FHIT: variants seen among roughly 807,000 people sequenced by gnomAD.
The protein encoded by FHIT is bis(5'-adenosyl)-triphosphatase.
In FHIT, 19 loss-of-function variants were observed where a neutral mutation model predicts 17.9. The observed-to-expected ratio is 1.06, with a 90% confidence interval of 0.74 to 1.56. FHIT has a LOEUF of 1.56. FHIT is among the 40% of genes most tolerant of loss of function. The probability of loss-of-function intolerance (pLI) is 0.00; values close to 1 mark genes in which losing one functional copy is unlikely to be tolerated. For missense variants in FHIT, 248 were observed against 189.2 expected, an observed-to-expected ratio of 1.31 and a Z score of -1.82; for synonymous variants, 81 against 69.7, an observed-to-expected ratio of 1.16 and a Z score of -0.81.
At chr3:59,991,181 G>A (rs1709216532) in intron 7 of FHIT, among the ~76,000 whole-genome samples, 1 of 152,072 alleles carries the variant, frequency 6.6e-6, no homozygotes, top group Admixed American at 6.6e-5. Context: ...GGTGCTCAGT[G>A]AATAATGAAT....
rs376462630 is a variant in FHIT at position 60,019,217 on chromosome 3, G to A, written c.104-5065C>T. 6.6e-5 allele frequency among the ~76,000 whole-genome samples: 10 copies of A among 151,900 alleles called. No homozygotes were observed. In the East Asian group the frequency reaches 9.7e-4, roughly 15 times the overall value. On this transcript the variant is annotated intron_variant, in intron 5 of 9. Transcript: ENST00000492590. ...GGCTTACATTGTCCCACATTCTATC[G>A]GTCAAAGAAAATCACAAGCCAACCC... is the stretch of plus-strand genomic sequence containing the variant.
chr3:60,315,629 T>A (rs1709131239), intron 5 of FHIT, among the ~76,000 whole-genome samples: 2 of 152,206 alleles, frequency 1.3e-5, no homozygotes, highest in South Asian at 2.1e-4. Context: ...GGGCAGTAGA[T>A]GGTATGTTTT....
chr3:60,903,136 T>G (rs1553763619), intron 3 of FHIT, among the ~76,000 whole-genome samples: 1 of 152,092 alleles, frequency 6.6e-6, no homozygotes, highest in South Asian at 2.1e-4. Flanking sequence ...AAAAATAAAA[T>G]GTATGATTAT....
rs1559565878 is a variant in FHIT, at chr3:59,749,170, A to ATATGTAGACATTTTT, written c.*400_*414dup. 1 of 229,374 alleles carries ATATGTAGACATTTTT rather than the reference A, an allele frequency of 4.4e-6. No individual in the cohort carries two copies. The highest frequency in any genetic ancestry group is 8.6e-6 in the Non-Finnish European group (1 of 115,718). 14.2% of individuals were successfully genotyped at this position (229,374 alleles called of 1,614,324 possible). On this transcript the variant is annotated 3_prime_UTR_variant, in exon 10 of 10. Transcript: ENST00000492590. ...GAACCACTTAATGTATAAAAATTCAATATGTAGACATTTTTTTTGAAAAGG... is the reference window on the plus strand; with the variant it reads ...GAACCACTTAATGTATAAAAATTCAATATGTAGACATTTTTTATGTAGACATTTTTTTTGAAAAGG...
intron 3 of FHIT, among the ~76,000 whole-genome samples, chr3:60,827,432 G>C (rs1213627214): frequency 9.2e-5 from 14 of 152,144 alleles, no homozygotes; most frequent in African/African-American, 3.4e-4. Flanking sequence ...ATGGGATTTG[G>C]ATTGGTTTCT....
intron 7 of FHIT, among the ~76,000 whole-genome samples, chr3:59,975,263 G>A (rs1029649751): frequency 2.0e-5 from 3 of 152,032 alleles, no homozygotes; most frequent in African/African-American, 7.2e-5. Context: ...AAAAGCTTGG[G>A]CCTCAGAGTG....
In FHIT at chr3:59,749,303, C is replaced by T. The variant is rs1439790309; in HGVS notation, c.*282G>A. On this transcript the variant is annotated 3_prime_UTR_variant, in exon 10 of 10. Transcript: ENST00000492590. ...TTCATGGCAAGTCAATACACCGAGACACAGGGTTGCAGCAGAGAAGGAAGT... is the reference window on the plus strand; with the variant it reads ...TTCATGGCAAGTCAATACACCGAGATACAGGGTTGCAGCAGAGAAGGAAGT... 4.3e-6 allele frequency: 1 copy of T among 230,942 alleles called. No individual in the cohort carries two copies. The highest frequency in any genetic ancestry group is 2.2e-5 in the African/African-American group (1 of 45,044). 14.3% of individuals were successfully genotyped at this position (230,942 alleles called of 1,614,324 possible). A position where few individuals can be genotyped will look rare whatever the true frequency, so the allele number is the denominator to read the frequency against.
At chr3:60,486,830 T>G (rs2033863572) in intron 5 of FHIT, among the ~76,000 whole-genome samples, 1 of 150,734 alleles carries the variant, frequency 6.6e-6, no homozygotes, top group Non-Finnish European at 1.5e-5. Flanking sequence ...CACTAAAATT[T>G]CTCAAAACAA....
intron 3 of FHIT, among the ~76,000 whole-genome samples, chr3:60,852,635 A>T (rs1703197365): frequency 6.6e-6 from 1 of 152,072 alleles, no homozygotes; most frequent in Admixed American, 6.6e-5. Context: ...AAAACTTTGT[A>T]TATTATATTA....
rs115024703 is a variant in FHIT, at chr3:60,289,208, A to G, written c.103+247652T>C. Among the ~76,000 whole-genome samples the G allele has an allele frequency of 2.7e-3, 407 of 152,344 alleles. 3 individuals carry two copies. The highest frequency in any genetic ancestry group is 9.4e-3 in the African/African-American group (391 of 41,586). ...TAATTTTCTTCCTATTAAATTTCCT[A>G]CTGTACACAGGAACATCTGTTCTCC... On this transcript the variant is annotated intron_variant, in intron 5 of 9. Transcript: ENST00000492590.
At chr3:60,497,016 T>C (rs561519459) in intron 5 of FHIT, among the ~76,000 whole-genome samples, 17 of 152,182 alleles carry the variant, frequency 1.1e-4, no homozygotes, top group African/African-American at 3.9e-4. Context: ...ACCTACCAAC[T>C]TCAGGTCAGT....
intron 5 of FHIT, among the ~76,000 whole-genome samples, chr3:60,324,296 G>A (rs1378873336): frequency 6.6e-6 from 1 of 151,348 alleles, no homozygotes; most frequent in Non-Finnish European, 1.5e-5. Context: ...CAAGATTCCA[G>A]TTACTAAGGC....
At chr3:59,932,287 GGTTT>G (rs1706011529) in intron 7 of FHIT, among the ~76,000 whole-genome samples, 2 of 151,412 alleles carry the variant, frequency 1.3e-5, no homozygotes, top group South Asian at 4.2e-4. Context: ...TTTATTTTTT[GGTTT>G]GTTTTAAAGA....
intron 5 of FHIT, among the ~76,000 whole-genome samples, chr3:60,131,264 C>T (rs745500546): frequency 2.0e-4 from 31 of 151,896 alleles, no homozygotes; most frequent in Admixed American, 3.3e-4. Context: ...TAATACCTAA[C>T]ACAATGTAAT....
At chr3:60,540,908 C>A (rs933012083) in intron 4 of FHIT, among the ~76,000 whole-genome samples, 1 of 152,130 alleles carries the variant, frequency 6.6e-6, no homozygotes. Context: ...CTCAAGGTGA[C>A]GTCCCTCCAC....
At chr3:60,319,976 A>C (rs1228117914) in intron 5 of FHIT, among the ~76,000 whole-genome samples, 4 of 152,186 alleles carry the variant, frequency 2.6e-5, no homozygotes, top group African/African-American at 9.6e-5. Context: ...ACAAAACCGC[A>C]GTCACTGGGG....
At chr3:60,653,098 A>T (rs1485646110) in intron 4 of FHIT, among the ~76,000 whole-genome samples, 1 of 152,170 alleles carries the variant, frequency 6.6e-6, no homozygotes, top group Non-Finnish European at 1.5e-5. Flanking sequence ...TCTTTCACAC[A>T]CACCACAGAT....
chr3:60,444,108 T>G (rs1336245588), intron 5 of FHIT, among the ~76,000 whole-genome samples: 1 of 152,098 alleles, frequency 6.6e-6, no homozygotes, highest in Non-Finnish European at 1.5e-5. Context: ...TATCATCACT[T>G]GCCATCAGAG....
At chr3:59,954,225 T>TTTG (rs1707276782) in intron 7 of FHIT, among the ~76,000 whole-genome samples, 1 of 150,438 alleles carries the variant, frequency 6.6e-6, no homozygotes, top group African/African-American at 2.4e-5. Flanking sequence ...TGTTCTGTTT[T>TTTG]TTTTTCTTTT....
Sources: gnomAD v4.1 joint callset for allele counts (sites outside exome capture counted in the v4.1 genomes callset) on GRCh38, gnomAD v4.1.1 for gene constraint, MANE v1.5 for transcripts, NCBI Gene and HGNC (gene_info 2026-07-23, HGNC 2026-07-21) for gene names.